Variants in UGT1A10 observed in about 807,000 individuals in gnomAD.
UGT1A10 encodes the protein UDP glucuronosyltransferase family 1 member A10.
UGT1A10 carries 49 observed loss-of-function variants against 45.8 expected under a neutral mutation model. The observed-to-expected ratio is 1.07, with a 90% CI of 0.85 to 1.36. The LOEUF (loss-of-function observed/expected upper bound fraction) is 1.36, where lower values mean the gene tolerates loss of function less well. Among genes scored for constraint, UGT1A10 ranks in the 40% most tolerant of loss-of-function variants. UGT1A10 has a pLI of 0.00. For missense variants in UGT1A10, 745 were observed against 668.6 expected (o/e 1.11, Z -1.26); for synonymous variants, 284 against 249.7 (o/e 1.14, Z -1.29).
intron 1 of UGT1A10, among the ~76,000 whole-genome samples, chr2:233,657,707 G>A (rs932481840): frequency 2.0e-5 from 3 of 152,062 alleles, no homozygotes; most frequent in African/African-American, 7.2e-5. Context: ...ATTCTAATGG[G>A]TATGTAAATT....
At chr2:233,710,274 A>G (rs1427903289) in intron 1 of UGT1A10, among the ~76,000 whole-genome samples, 1 of 152,210 alleles carries the variant, frequency 6.6e-6, no homozygotes, top group Non-Finnish European at 1.5e-5. Flanking sequence ...TTCTTGGGTA[A>G]ATACTTAAAA....
intron 1 of UGT1A10, chr2:233,743,704 C>T (rs773531190): frequency 8.8e-6 from 12 of 1,367,244 alleles, no homozygotes; most frequent in East Asian, 4.5e-5. Flanking sequence ...CCTCCGCCCC[C>T]GCCTCGCCAT....
intron 1 of UGT1A10, chr2:233,747,094 A>T: frequency 7.8e-7 from 1 of 1,281,688 alleles, no homozygotes; most frequent in Non-Finnish European, 1.1e-6. Flanking sequence ...AGAGCACTCT[A>T]TCTTCCAATT....
At chr2:233,722,497 G>A (rs147743220) in intron 1 of UGT1A10, among the ~76,000 whole-genome samples, 12 of 152,166 alleles carry the variant, frequency 7.9e-5, no homozygotes, top group African/African-American at 2.9e-4. Flanking sequence ...TTCATTTTCC[G>A]TTTCGTTAAT....
rs140613392 is a variant in UGT1A10 at position 233,768,343 on chromosome 2, G to A, written c.1199G>A (p.Arg400His). 68 of 1,614,170 alleles carry A rather than the reference G, an allele frequency of 4.2e-5. No homozygotes were observed. The highest frequency in any genetic ancestry group is 3.7e-4 in the African/African-American group (28 of 75,042). ...GGTGATCAGATGGACAATGCAAAGC[G>A]CATGGAGACTAAGGGAGCTGGAGTG... ...LFGDQMDNAK[R>H]METKGAGVTL... Residue 400 changes from arginine (R) to histidine (H), a missense_variant, in exon 4 of 5, where the codon CGC (arginine) becomes CAC (histidine). By Grantham distance (29) the Arg-to-His change is conservative. Coordinates refer to ENST00000344644, the MANE Select transcript of UGT1A10 (RefSeq NM_019075.4).
chr2:233,753,934 C>A (rs115652249), intron 1 of UGT1A10, among the ~76,000 whole-genome samples: 1,716 of 152,270 alleles, frequency 0.011, 38 homozygotes, highest in African/African-American at 0.04. Context: ...ATATGGGATT[C>A]AAATGTATGA....
At chr2:233,674,675 TTA>T (rs2074292486) in intron 1 of UGT1A10, among the ~76,000 whole-genome samples, 2 of 152,206 alleles carry the variant, frequency 1.3e-5, no homozygotes, top group Non-Finnish European at 2.9e-5. Flanking sequence ...ATAAATGTGT[TTA>T]TGTGTCTATT....
At chr2:233,644,928 T>C (rs2073558687) in intron 1 of UGT1A10, among the ~76,000 whole-genome samples, 1 of 152,168 alleles carries the variant, frequency 6.6e-6, no homozygotes, top group South Asian at 2.1e-4. Flanking sequence ...TTTCCAGTAT[T>C]GACAATCCTT....
rs777511549 is a variant in UGT1A10 at position 233,672,654 on chromosome 2, G to A, written c.855+35277G>A. The stretch of plus-strand genomic sequence containing the variant: ...CTGAAATTCTCCAAACACCTGTTAC[G>A]GAGTATGATCTCTACAGCCACACAT... On this transcript the variant is annotated intron_variant, in intron 1 of 4. Coordinates refer to ENST00000344644, the MANE Select transcript of UGT1A10 (RefSeq NM_019075.4). 64 of 1,613,688 alleles carry A rather than the reference G, an allele frequency of 4.0e-5. No individual in the cohort carries two copies. In the Middle Eastern group the frequency reaches 4.9e-4, roughly 12 times the overall value.
Position 233,643,289 on chromosome 2 carries a change from C to T in UGT1A10, c.855+5912C>T, listed in dbSNP as rs569803841. On this transcript the variant is annotated intron_variant, in intron 1 of 4. Transcript: ENST00000344644. ...CAAGATGCAGTCCTTCCCATTCTTC[C>T]CTCTTATTTGCAAAGACAGAGGAGC... 6.7e-4 allele frequency among the ~76,000 whole-genome samples: 102 copies of T among 152,262 alleles called. 2 individuals are homozygous for T. In the Middle Eastern group the frequency reaches 0.021, roughly 31 times the overall value.
intron 1 of UGT1A10, among the ~76,000 whole-genome samples, chr2:233,644,970 AG>A (rs2073559873): frequency 6.6e-6 from 1 of 152,136 alleles, no homozygotes; most frequent in African/African-American, 2.4e-5. Flanking sequence ...TGAGTTCTAA[AG>A]GTTCTTATGA....
chr2:233,711,563 G>C (rs2076187207), intron 1 of UGT1A10, among the ~76,000 whole-genome samples: 1 of 152,208 alleles, frequency 6.6e-6, no homozygotes, highest in Admixed American at 6.5e-5. Context: ...AGTTCCCAAA[G>C]CCCTTGCAGG....
chr2:233,744,938 G>A (rs940061009), intron 1 of UGT1A10, among the ~76,000 whole-genome samples: 6 of 151,930 alleles, frequency 3.9e-5, no homozygotes, highest in African/African-American at 1.5e-4. Flanking sequence ...AAATGACACA[G>A]TATTTGTATA....
chr2:233,722,990 G>A (rs976354785), intron 1 of UGT1A10, among the ~76,000 whole-genome samples: 13 of 147,090 alleles, frequency 8.8e-5, no homozygotes, highest in African/African-American at 3.0e-4. Flanking sequence ...CTGTCTCAGC[G>A]TGGCAGAGGC....
At chr2:233,761,193 A>C (rs764178788) in intron 1 of UGT1A10, 1 of 1,614,148 alleles carries the variant, frequency 6.2e-7, no homozygotes, top group Non-Finnish European at 8.5e-7. Flanking sequence ...ATATTCTTTC[A>C]GATGTATTAC....
intron 1 of UGT1A10, among the ~76,000 whole-genome samples, chr2:233,766,023 T>C (rs1365175031): frequency 6.6e-6 from 1 of 152,110 alleles, no homozygotes; most frequent in Non-Finnish European, 1.5e-5. Context: ...TTCTTTTAGT[T>C]TTGCCCTCTA....
rs1201531299 is a variant in UGT1A10 at position 233,692,745 on chromosome 2, C to A, written c.855+55368C>A. 4 of 1,064,978 alleles carry A rather than the reference C, an allele frequency of 3.8e-6. No homozygotes were observed. In the African/African-American group the frequency reaches 4.9e-5, roughly 13 times the overall value. The allele number at this position is 1,064,978 out of a possible 1,614,324, so 66.0% of individuals were successfully genotyped here. On this transcript the variant is annotated intron_variant, in intron 1 of 4. Transcript: ENST00000344644. ...CTATAACTTTTCAGAGAGGGAGAAGCAGACTTGTGGAGCTGAAGAGAAACA... is the reference window on the plus strand; with the variant it reads ...CTATAACTTTTCAGAGAGGGAGAAGAAGACTTGTGGAGCTGAAGAGAAACA...
intron 1 of UGT1A10, among the ~76,000 whole-genome samples, chr2:233,741,294 T>C (rs954332893): frequency 1.3e-5 from 2 of 151,798 alleles, no homozygotes; most frequent in African/African-American, 4.9e-5. Context: ...ATGTACCCAA[T>C]TGTGTAGATA....
chr2:233,718,717 C>A (rs1286763118), intron 1 of UGT1A10: 9 of 1,608,524 alleles, frequency 5.6e-6, no homozygotes, highest in Non-Finnish European at 7.6e-6. Flanking sequence ...CAATTACATG[C>A]TGATTTGCTA....
Sources: gnomAD v4.1 joint callset for allele counts (sites outside exome capture counted in the v4.1 genomes callset) on GRCh38, gnomAD v4.1.1 for gene constraint, MANE v1.5 for transcripts, NCBI Gene and HGNC (gene_info 2026-07-23, HGNC 2026-07-21) for gene names.